The following ZNF814 variants were observed in gnomAD, a reference collection of about 807,000 sequenced individuals.
The protein encoded by ZNF814 is zinc finger protein 814.
Under a neutral mutation model 7.5 loss-of-function variants are expected in ZNF814, and 5 were observed. The ratio of observed to expected loss-of-function variants is 0.67; its 90% CI spans 0.35 to 1.40. The LOEUF is 1.40. ZNF814 is among the 40% of genes most tolerant of loss of function. The pLI, the probability that ZNF814 is intolerant of heterozygous loss-of-function variation, is 0.04. For synonymous variants in ZNF814, 315 were observed against 340.7 expected (o/e 0.92, Z 0.83); for missense variants, 962 against 1,018.0 (o/e 0.94, Z 0.75).
intron 1 of ZNF814, among the ~76,000 whole-genome samples, chr19:57,887,022 T>C (rs912735702): frequency 1.3e-5 from 2 of 151,476 alleles, no homozygotes; most frequent in African/African-American, 4.9e-5. Flanking sequence ...ACCCCGTCTC[T>C]ACTAAACATA....
chr19:57,877,005 G>C lies in ZNF814; in HGVS notation c.74C>G (p.Thr25Ser). 6.2e-7 allele frequency: 1 copy of C among 1,614,080 alleles called. No individual in the cohort carries two copies. The highest frequency in any genetic ancestry group is 1.1e-5 in the South Asian group (1 of 91,084). Reference sequence around the variant, plus strand: ...ACTAAGGAGATTCCATTCCTCCCAGGTAAAGTTCACAGCCACATCTTCAAA... The same window carrying C: ...ACTAAGGAGATTCCATTCCTCCCAGCTAAAGTTCACAGCCACATCTTCAAA... ...VTFEDVAVNF[T>S]WEEWNLLSEA... Residue 25 changes from threonine to serine, a missense_variant, in exon 2 of 3, where the codon ACC becomes AGC. Physicochemically the swap from Thr to Ser is moderately conservative, Grantham distance 58 (BLOSUM62 1). Coordinates refer to ENST00000435989, the MANE Select transcript of ZNF814 (RefSeq NM_001144989.2).
chr19:57,904,391 T>A, the ZNF814 span, among the ~76,000 whole-genome samples: 1 of 152,278 alleles, frequency 6.6e-6, no homozygotes, highest in East Asian at 1.9e-4. Context: ...TATGTACTCT[T>A]GTCTTGTCTC....
chr19:57,895,924 T>C, the ZNF814 span, among the ~76,000 whole-genome samples: 4 of 152,302 alleles, frequency 2.6e-5, no homozygotes, highest in Non-Finnish European at 5.9e-5. Context: ...AGCCACTCCA[T>C]AGACAGAGCA....
the ZNF814 span, among the ~76,000 whole-genome samples, chr19:57,894,305 G>A: frequency 2.0e-5 from 3 of 147,290 alleles, no homozygotes; most frequent in African/African-American, 7.6e-5. Flanking sequence ...GGTGGGGGTT[G>A]CAGGGAGCTG....
At chr19:57,897,595 C>T in the ZNF814 span, among the ~76,000 whole-genome samples, 1 of 152,188 alleles carries the variant, frequency 6.6e-6, no homozygotes, top group Non-Finnish European at 1.5e-5. Flanking sequence ...CATATCCGCA[C>T]AGTCAGTGCC....
upstream of ZNF814, among the ~76,000 whole-genome samples, chr19:57,891,239 A>G (rs190750781): frequency 2.5e-3 from 382 of 152,274 alleles, 2 homozygotes; most frequent in Middle Eastern, 0.014. Flanking sequence ...TAATCAAGAA[A>G]TAGGGGCCAG....
chr19:57,880,450 G>A (rs2071642830), intron 1 of ZNF814, among the ~76,000 whole-genome samples: 1 of 151,172 alleles, frequency 6.6e-6, no homozygotes, highest in African/African-American at 2.5e-5. Context: ...TCACTGAAAT[G>A]GGAATACCTC....
chr19:57,898,277 A>G, the ZNF814 span, among the ~76,000 whole-genome samples: 2 of 152,230 alleles, frequency 1.3e-5, no homozygotes, highest in Non-Finnish European at 2.9e-5. Flanking sequence ...GGGAAGGGGC[A>G]TATTGCAACA....
At chr19:57,883,580 G>C (rs1330534990) in intron 1 of ZNF814, among the ~76,000 whole-genome samples, 1 of 150,294 alleles carries the variant, frequency 6.7e-6, no homozygotes, top group African/African-American at 2.4e-5. Context: ...AGAATCGCTT[G>C]AACCTGGGAG....
the ZNF814 span, among the ~76,000 whole-genome samples, chr19:57,898,203 T>C: frequency 6.6e-6 from 1 of 152,224 alleles, no homozygotes; most frequent in South Asian, 2.1e-4. Flanking sequence ...TTGCCATGTC[T>C]AGGGCTGGAT....
At position 57,869,396 on chromosome 19, in the gene ZNF814, CTT is replaced by C. The variant is rs1242266076; in HGVS notation, c.*3424_*3425del. 8 of 149,764 alleles carry C rather than the reference CTT, an allele frequency of 5.3e-5. No individual in the cohort carries two copies. The highest frequency in any genetic ancestry group is 2.0e-4 in the Admixed American group (3 of 15,056). 9.3% of individuals were successfully genotyped at this position (149,764 alleles called of 1,614,324 possible). A position where few individuals can be genotyped will look rare whatever the true frequency, so the allele number is the denominator to read the frequency against. On this transcript the variant is annotated 3_prime_UTR_variant, in exon 3 of 3. Transcript: ENST00000435989. Reference sequence around the variant, plus strand: ...CACCCAGGGATTATAAGAGGAAACACTTTATTACATCACTCATCTAACATTCC... The same window carrying C: ...CACCCAGGGATTATAAGAGGAAACACTATTACATCACTCATCTAACATTCC...
chr19:57,883,881 C>T (rs1443242583), intron 1 of ZNF814, among the ~76,000 whole-genome samples: 4 of 151,760 alleles, frequency 2.6e-5, no homozygotes, highest in South Asian at 2.1e-4. Flanking sequence ...CCTCAGCTTC[C>T]GAGTAGCTGT....
At chr19:57,898,474 G>A in the ZNF814 span, among the ~76,000 whole-genome samples, 1 of 152,186 alleles carries the variant, frequency 6.6e-6, no homozygotes. Flanking sequence ...AGCGGCTATT[G>A]CTGAGCCTCC....
chr19:57,874,973 C>G lies in ZNF814; in HGVS notation c.417G>C (p.Gln139His), dbSNP rs200849882. The stretch of plus-strand genomic sequence containing the variant: ...AGGGTTTCTCTCCAATGTGCTCATT[C>G]TGGTGCTGATGAAAGTTTCCACTGT... ...LYDSGNFHQH[Q>H]NEHIGEKPYR... The change falls in exon 3 of 3, where the codon CAG (glutamine) becomes CAC (histidine). Residue 139 changes from glutamine (Q) to histidine (H), a missense_variant. Coordinates refer to ENST00000435989, the MANE Select transcript of ZNF814 (RefSeq NM_001144989.2). The G allele has an allele frequency of 1.9e-6, 3 of 1,612,840 alleles. No homozygotes were observed. In the South Asian group the frequency reaches 3.3e-5, roughly 18 times the overall value.
chr19:57,875,739 C>A (rs961908603), intron 2 of ZNF814, among the ~76,000 whole-genome samples: 4 of 152,044 alleles, frequency 2.6e-5, no homozygotes, highest in African/African-American at 9.7e-5. Flanking sequence ...CATTAGGGTA[C>A]AAGTTCATGT....
intron 1 of ZNF814, among the ~76,000 whole-genome samples, chr19:57,884,542 C>T (rs1180746922): frequency 6.6e-6 from 1 of 152,164 alleles, no homozygotes; most frequent in African/African-American, 2.4e-5. Context: ...AGCCTGAGCC[C>T]AGGTGGTCGA....
At chr19:57,897,464 C>A in the ZNF814 span, among the ~76,000 whole-genome samples, 1 of 152,096 alleles carries the variant, frequency 6.6e-6, no homozygotes, top group Non-Finnish European at 1.5e-5. Flanking sequence ...CGATGTATAC[C>A]CCCGGTATAA....
At chr19:57,879,672 A>T (rs913072425) in intron 1 of ZNF814, among the ~76,000 whole-genome samples, 1 of 149,728 alleles carries the variant, frequency 6.7e-6, no homozygotes, top group Non-Finnish European at 1.5e-5. Context: ...CTATGTGGAC[A>T]AGCATCTCAG....
At chr19:57,878,358 A>C (rs759310758) in intron 1 of ZNF814, among the ~76,000 whole-genome samples, 2 of 151,986 alleles carry the variant, frequency 1.3e-5, no homozygotes, top group Non-Finnish European at 2.9e-5. Flanking sequence ...ACTTATTTGA[A>C]TAACTCTGGA....
Sources: gnomAD v4.1 joint callset for allele counts (sites outside exome capture counted in the v4.1 genomes callset) on GRCh38, gnomAD v4.1.1 for gene constraint, MANE v1.5 for transcripts, NCBI Gene and HGNC (gene_info 2026-07-23, HGNC 2026-07-21) for gene names.